The following TGFBR3 variants were observed in gnomAD, a reference collection of about 807,000 sequenced individuals.
TGFBR3 encodes transforming growth factor beta receptor 3, also known as transforming growth factor beta receptor type 3.
A neutral mutation model predicts 87.9 loss-of-function variants in TGFBR3; 46 were observed. The observed-to-expected ratio is 0.52, with a 90% CI of 0.41 to 0.67. The LOEUF (loss-of-function observed/expected upper bound fraction) is 0.67, where lower values mean the gene tolerates loss of function less well. TGFBR3 is among the 30% of genes least tolerant of loss of function. TGFBR3 has a pLI of 0.00. For synonymous variants in TGFBR3, 381 were observed against 391.6 expected (o/e 0.97, Z 0.32); for missense variants, 866 against 1,041.9 (o/e 0.83, Z 2.32).
chr1:91,797,943 C>G lies in TGFBR3; in HGVS notation c.62-472G>C, dbSNP rs117268247. On this transcript the variant is annotated intron_variant, in intron 2 of 16. Transcript: ENST00000212355. ...AAACAAACTTAAGAACAATACAGAG[C>G]AAGATGTAACATGTAGAGGCGATCA... Among the ~76,000 whole-genome samples, 40 of 152,212 alleles carry G rather than the reference C, an allele frequency of 2.6e-4. 2 individuals carry two copies. In the East Asian group the frequency reaches 7.3e-3, roughly 28 times the overall value.
chr1:91,715,058 T>C (rs966786847), intron 12 of TGFBR3, among the ~76,000 whole-genome samples: 1 of 152,152 alleles, frequency 6.6e-6, no homozygotes, highest in Non-Finnish European at 1.5e-5. Flanking sequence ...CCCTTTAAGC[T>C]TCTCACCCCT....
chr1:91,868,100 TAG>T (rs1678450882), intron 1 of TGFBR3, among the ~76,000 whole-genome samples: 1 of 152,188 alleles, frequency 6.6e-6, no homozygotes, highest in African/African-American at 2.4e-5. Flanking sequence ...GTATTTTTAG[TAG>T]AGACAGGGTT....
At chr1:91,871,353 T>C (rs1214318348) in intron 1 of TGFBR3, among the ~76,000 whole-genome samples, 3 of 152,200 alleles carry the variant, frequency 2.0e-5, no homozygotes, top group East Asian at 3.9e-4. Context: ...AGTTTTAGTT[T>C]ACTTCATTCA....
At chr1:91,861,686 T>C (rs1161338227) in intron 1 of TGFBR3, 42 bp from the exon 2 acceptor site, 1 of 685,354 alleles carries the variant, frequency 1.5e-6, no homozygotes, top group Non-Finnish European at 2.7e-6. Flanking sequence ...TGAAGAAACT[T>C]CATAAACAAA....
At chr1:91,785,549 C>A (rs547727099) in intron 3 of TGFBR3, among the ~76,000 whole-genome samples, 2 of 152,294 alleles carry the variant, frequency 1.3e-5, no homozygotes, top group East Asian at 3.9e-4. Flanking sequence ...AGGCAGAATT[C>A]AGTCCTGCCT....
intron 2 of TGFBR3, among the ~76,000 whole-genome samples, chr1:91,817,542 T>C (rs1277895475): frequency 6.6e-6 from 1 of 152,230 alleles, no homozygotes; most frequent in Non-Finnish European, 1.5e-5. Context: ...AATTACTCAC[T>C]TGATTTTTAG....
chr1:91,686,215 CG>C (rs1397605863), intron 16 of TGFBR3, among the ~76,000 whole-genome samples: 1 of 152,188 alleles, frequency 6.6e-6, no homozygotes, highest in Non-Finnish European at 1.5e-5. Flanking sequence ...ATCTGCTTTC[CG>C]ATGTCTATTT....
chr1:91,715,496 C>T (rs1214150150), intron 12 of TGFBR3, among the ~76,000 whole-genome samples: 3 of 152,164 alleles, frequency 2.0e-5, no homozygotes, highest in Non-Finnish European at 2.9e-5. Context: ...TAGGATGGCT[C>T]TAAAGAGTTA....
intron 3 of TGFBR3, among the ~76,000 whole-genome samples, chr1:91,786,857 A>C (rs1296334083): frequency 6.6e-6 from 1 of 152,212 alleles, no homozygotes; most frequent in Admixed American, 6.5e-5. Context: ...CCAGATTGAA[A>C]AGCCAGCACT....
chr1:91,886,203 C>T, upstream of TGFBR3: 1 of 453,078 alleles, frequency 2.2e-6, no homozygotes, highest in South Asian at 1.6e-5. Context: ...CACACGCGGG[C>T]GGGGACGGGC....
intron 3 of TGFBR3, among the ~76,000 whole-genome samples, chr1:91,770,082 G>A (rs1674322683): frequency 6.6e-6 from 1 of 152,142 alleles, no homozygotes; most frequent in South Asian, 2.1e-4. Context: ...GCCTGCCCTG[G>A]TGCAAAGGTC....
intron 3 of TGFBR3, among the ~76,000 whole-genome samples, chr1:91,762,266 A>G (rs1316677916): frequency 1.3e-5 from 2 of 152,294 alleles, no homozygotes; most frequent in South Asian, 4.2e-4. Flanking sequence ...CAAACAAAAA[A>G]CATCCATATC....
At chr1:91,781,741 G>C (rs1360833884) in intron 3 of TGFBR3, among the ~76,000 whole-genome samples, 1 of 151,998 alleles carries the variant, frequency 6.6e-6, no homozygotes, top group Admixed American at 6.5e-5. Flanking sequence ...AGCAAGTCAA[G>C]GGCCCATATC....
chr1:91,737,043 A>T (rs2100831299), intron 4 of TGFBR3, among the ~76,000 whole-genome samples: 1 of 152,322 alleles, frequency 6.6e-6, no homozygotes, highest in East Asian at 1.9e-4. Flanking sequence ...TGCCGTGATG[A>T]AGCTGGTGAT....
chr1:91,783,080 G>A (rs751452411), intron 3 of TGFBR3: 8 of 152,368 alleles, frequency 5.3e-5, no homozygotes, highest in Non-Finnish European at 7.3e-5. Context: ...CTTCAGCTCC[G>A]GGCAAGAGTT....
At chr1:91,735,691 C>T in intron 4 of TGFBR3, among the ~76,000 whole-genome samples, 1 of 152,220 alleles carries the variant, frequency 6.6e-6, no homozygotes, top group East Asian at 1.9e-4. Flanking sequence ...TAGACCACTG[C>T]TGACCTAGCA....
intron 16 of TGFBR3, 115 bp from the exon 17 acceptor site, chr1:91,683,972 G>C (rs902566985): frequency 2.1e-6 from 2 of 957,810 alleles, no homozygotes; most frequent in African/African-American, 3.2e-5. Context: ...TTCTCAACCA[G>C]GGCAGAAGCA....
chr1:91,828,627 T>C (rs1025358377), intron 2 of TGFBR3, among the ~76,000 whole-genome samples: 3 of 152,170 alleles, frequency 2.0e-5, no homozygotes, highest in Non-Finnish European at 4.4e-5. Context: ...GCAAGTGAAC[T>C]TAGCTGTGAA....
rs1679711821 is a variant in TGFBR3, at chr1:91,901,176, G to A, written c.-174-1479C>T. Among the ~76,000 whole-genome samples the A allele has an allele frequency of 2.0e-5, 3 of 152,120 alleles. No individual in the cohort carries two copies. The South Asian group carries it at 6.2e-4, about 31-fold the overall frequency. ...CACCAACACTTGTTATTTTCTGTGG[G>A]TTTTGTTTGTTTTTAAAATAATCAT... is the stretch of plus-strand genomic sequence containing the variant. On this transcript the variant is annotated intron_variant, in intron 1 of 17. Coordinates refer to the TGFBR3 transcript ENST00000370399.
Sources: allele counts gnomAD v4.1 joint callset (sites outside exome capture counted in the v4.1 genomes callset), GRCh38; gene constraint gnomAD v4.1.1; transcripts MANE v1.5; gene names NCBI Gene and HGNC (gene_info 2026-07-23, HGNC 2026-07-21).